The following PYGO1 variants were observed in gnomAD, a reference collection of about 807,000 sequenced individuals.
PYGO1 encodes pygopus family PHD finger 1.
Under a neutral mutation model 29.5 loss-of-function variants are expected in PYGO1, and 6 were observed. The ratio of observed to expected loss-of-function variants is 0.20; its 90% CI spans 0.11 to 0.40. The LOEUF is 0.40. Ranked by LOEUF, PYGO1 falls within the 10% of genes least tolerant of loss-of-function variation. The pLI, the probability that PYGO1 is intolerant of heterozygous loss-of-function variation, is 1.00. For missense variants in PYGO1, 515 were observed against 514.9 expected, an observed-to-expected ratio of 1.00 and a Z score of 0.00; for synonymous variants, 186 against 180.5, an observed-to-expected ratio of 1.03 and a Z score of -0.24.
chr15:55,571,043 A>C (rs2058977999), intron 1 of PYGO1, among the ~76,000 whole-genome samples: 2 of 147,968 alleles, frequency 1.4e-5, no homozygotes, highest in Non-Finnish European at 1.5e-5. Context: ...TCCATCCCCT[A>C]TGATCCTCAT....
rs2058829960 is a variant in PYGO1, at chr15:55,542,063, C to T, written c.*3960G>A. 6.6e-6 allele frequency: 1 copy of T among 152,082 alleles called. No individual in the cohort carries two copies. The allele number at this position is 152,082 out of a possible 1,614,324, so 9.4% of individuals were successfully genotyped here. ...TGTCCATGCATAAGAAACCTCTATA[C>T]ACGGCAGAAAGAAATCCAAAACTCT... On this transcript the variant is annotated 3_prime_UTR_variant, in exon 3 of 3. Coordinates refer to ENST00000563719, the MANE Select transcript of PYGO1 (RefSeq NM_001367806.1).
chr15:55,544,485 G>GTAGC lies in PYGO1; in HGVS notation c.*1534_*1537dup, dbSNP rs2058841048. 6.6e-6 allele frequency: 1 copy of GTAGC among 152,190 alleles called. No homozygotes were observed. The highest frequency in any genetic ancestry group is 2.4e-5 in the African/African-American group (1 of 41,450). The allele number at this position is 152,190 out of a possible 1,614,324, so 9.4% of individuals were successfully genotyped here. A position where few individuals can be genotyped will look rare whatever the true frequency, so the allele number is the denominator to read the frequency against. On this transcript the variant is annotated 3_prime_UTR_variant, in exon 3 of 3. Transcript: ENST00000563719. The stretch of plus-strand genomic sequence containing the variant: ...GCCCAAGTCACTTAACTTTGCTTTA[G>GTAGC]TAGCTTGTGACATGTGAGGTCGAGT...
chr15:55,542,241 T>C lies in PYGO1; in HGVS notation c.*3782A>G, dbSNP rs1272888698. 2 of 152,204 alleles carry C rather than the reference T, an allele frequency of 1.3e-5. No homozygotes were observed. The highest frequency in any genetic ancestry group is 2.9e-5 in the Non-Finnish European group (2 of 68,034). 9.4% of individuals were successfully genotyped at this position (152,204 alleles called of 1,614,324 possible). ...TGAATGAAGACTCTTGATACTTATT[T>C]GGATTAAAGTTGGCAGATTTTATGA... On this transcript the variant is annotated 3_prime_UTR_variant, in exon 3 of 3. Transcript: ENST00000563719.
intron 1 of PYGO1, among the ~76,000 whole-genome samples, chr15:55,587,254 A>G (rs2059051062): frequency 6.6e-6 from 1 of 152,248 alleles, no homozygotes; most frequent in African/African-American, 2.4e-5. Context: ...TCAACCATGC[A>G]TAACACTGAT....
intron 1 of PYGO1, among the ~76,000 whole-genome samples, chr15:55,578,603 T>G (rs1486792359): frequency 6.6e-6 from 1 of 152,236 alleles, no homozygotes. Context: ...CCATAATGAC[T>G]AATGATGCCA....
intron 1 of PYGO1, among the ~76,000 whole-genome samples, chr15:55,559,048 A>G (rs1027878128): frequency 2.6e-5 from 4 of 152,132 alleles, no homozygotes; most frequent in Non-Finnish European, 4.4e-5. Flanking sequence ...TGAACAGGCA[A>G]CCTACAGAAT....
chr15:55,556,485 T>G (rs976646059), intron 1 of PYGO1, among the ~76,000 whole-genome samples: 4 of 152,142 alleles, frequency 2.6e-5, no homozygotes, highest in African/African-American at 9.6e-5. Context: ...ATCTCTGGGA[T>G]GCAGCTAATG....
chr15:55,588,041 C>A lies in PYGO1; in HGVS notation c.-158G>T. ...GCGGTGGGGACGCGGGCCGACTTTG[C>A]AAAGTTTGGGAGGAGGACGAGGCCT... On this transcript the variant is annotated 5_prime_UTR_variant, in exon 1 of 3. Coordinates refer to ENST00000563719, the MANE Select transcript of PYGO1 (RefSeq NM_001367806.1). 1 of 1,192,562 alleles carries A rather than the reference C, an allele frequency of 8.4e-7. No homozygotes were observed. 73.9% of individuals were successfully genotyped at this position (1,192,562 alleles called of 1,614,324 possible).
chr15:55,565,809 A>G (rs2058953969), intron 1 of PYGO1, among the ~76,000 whole-genome samples: 1 of 152,074 alleles, frequency 6.6e-6, no homozygotes, highest in African/African-American at 2.4e-5. Context: ...TTCTTGAGAC[A>G]GTCTCACTCT....
At chr15:55,572,073 T>A (rs2058982571) in intron 1 of PYGO1, among the ~76,000 whole-genome samples, 1 of 151,800 alleles carries the variant, frequency 6.6e-6, no homozygotes, top group Non-Finnish European at 1.5e-5. Context: ...AGAAAAAAAA[T>A]CCTAAAATTC....
intron 1 of PYGO1, among the ~76,000 whole-genome samples, chr15:55,557,363 C>A (rs914242820): frequency 4.6e-5 from 7 of 152,126 alleles, no homozygotes; most frequent in Non-Finnish European, 5.9e-5. Flanking sequence ...AGCCTACCAA[C>A]CAAAAAAAGT....
intron 1 of PYGO1, among the ~76,000 whole-genome samples, chr15:55,562,069 C>T (rs1407174766): frequency 4.6e-5 from 7 of 152,076 alleles, no homozygotes; most frequent in Admixed American, 1.3e-4. Flanking sequence ...GACATTTATG[C>T]AGCCAACAAA....
upstream of PYGO1, chr15:55,588,913 A>G (rs1992236): frequency 0.86 from 1,311,152 of 1,519,898 alleles, 570,454 homozygotes; most frequent in East Asian, 0.99. Context: ...ACCTGTCTGT[A>G]GAATGCCTCC....
At chr15:55,551,572 G>T (rs367829082) in intron 1 of PYGO1, among the ~76,000 whole-genome samples, 63 of 152,144 alleles carry the variant, frequency 4.1e-4, no homozygotes, top group African/African-American at 1.1e-3. Flanking sequence ...TGAGGCGGGG[G>T]ATTGCTCCAG....
chr15:55,547,296 T>G (rs1339988912), intron 2 of PYGO1, 149 bp from the exon 3 acceptor site: 1 of 532,196 alleles, frequency 1.9e-6, no homozygotes, highest in Non-Finnish European at 3.0e-6. Flanking sequence ...GACCTTTCAA[T>G]TTTGACTAAT....
intron 1 of PYGO1, among the ~76,000 whole-genome samples, chr15:55,585,116 A>G (rs1470086985): frequency 2.0e-5 from 3 of 152,200 alleles, no homozygotes; most frequent in Non-Finnish European, 2.9e-5. Context: ...TAGTTTTGCC[A>G]TATCTGAGTT....
At chr15:55,582,978 G>A (rs548664227) in intron 1 of PYGO1, among the ~76,000 whole-genome samples, 1 of 151,636 alleles carries the variant, frequency 6.6e-6, no homozygotes, top group Non-Finnish European at 1.5e-5. Flanking sequence ...TGACATTTCT[G>A]TACTACTCCA....
At chr15:55,581,274 T>C (rs958960854) in intron 1 of PYGO1, among the ~76,000 whole-genome samples, 1 of 152,092 alleles carries the variant, frequency 6.6e-6, no homozygotes, top group Non-Finnish European at 1.5e-5. Context: ...GGATAGAATA[T>C]GCAAAGGAAG....
intron 1 of PYGO1, among the ~76,000 whole-genome samples, chr15:55,576,165 A>C (rs2141673092): frequency 6.6e-6 from 1 of 152,274 alleles, no homozygotes; most frequent in South Asian, 2.1e-4. Flanking sequence ...TTGTTAATTT[A>C]AAAAAGAGAG....
Sources: allele counts gnomAD v4.1 joint callset (sites outside exome capture counted in the v4.1 genomes callset), GRCh38; gene constraint gnomAD v4.1.1; transcripts MANE v1.5; gene names NCBI Gene and HGNC (gene_info 2026-07-23, HGNC 2026-07-21).